HECW1: variants seen among roughly 807,000 people sequenced by gnomAD.
HECW1 encodes E3 ubiquitin-protein ligase HECW1.
A neutral mutation model predicts 182.3 loss-of-function variants in HECW1; 61 were observed. The ratio of observed to expected loss-of-function variants is 0.33; its 90% CI spans 0.27 to 0.41. The LOEUF (loss-of-function observed/expected upper bound fraction) is 0.41, where lower values mean the gene tolerates loss of function less well. HECW1 is among the 10% of genes least tolerant of loss of function. HECW1 has a pLI of 1.00. For synonymous variants in HECW1, 859 were observed against 832.6 expected (o/e 1.03, Z -0.55); for missense variants, 1,739 against 2,108.9 (o/e 0.82, Z 3.44).
intron 26 of HECW1, among the ~76,000 whole-genome samples, chr7:43,546,681 G>T (rs557297496): frequency 6.6e-6 from 1 of 151,776 alleles, no homozygotes; most frequent in African/African-American, 2.4e-5. Context: ...TCCTAACTTC[G>T]GGAACAAAGC....
At chr7:43,342,636 G>A (rs1813137679) in intron 5 of HECW1, among the ~76,000 whole-genome samples, 1 of 150,812 alleles carries the variant, frequency 6.6e-6, no homozygotes, top group African/African-American at 2.5e-5. Flanking sequence ...TAGCTTTTTT[G>A]GTTAAAATTG....
chr7:43,487,421 G>A (rs1178918770), intron 17 of HECW1, among the ~76,000 whole-genome samples: 1 of 152,220 alleles, frequency 6.6e-6, no homozygotes, highest in East Asian at 1.9e-4. Flanking sequence ...AATCCTAAAA[G>A]TAGTCCCTAC....
intron 29 of HECW1, among the ~76,000 whole-genome samples, chr7:43,561,472 T>A (rs2082206238): frequency 6.6e-6 from 1 of 152,240 alleles, no homozygotes; most frequent in African/African-American, 2.4e-5. Flanking sequence ...CCTTCAATAC[T>A]AATTATATTT....
At chr7:43,480,714 T>C (rs1248345889) in intron 17 of HECW1, among the ~76,000 whole-genome samples, 4 of 147,680 alleles carry the variant, frequency 2.7e-5, no homozygotes, top group African/African-American at 7.3e-5. Context: ...CACACACATA[T>C]ATACGCATAT....
chr7:43,202,612 T>A (rs1795109056), intron 2 of HECW1, among the ~76,000 whole-genome samples: 2 of 152,052 alleles, frequency 1.3e-5, no homozygotes, highest in Admixed American at 1.3e-4. Flanking sequence ...GAGCTGGGGT[T>A]ACAGGCACCT....
intron 5 of HECW1, among the ~76,000 whole-genome samples, chr7:43,330,705 G>A (rs1158434058): frequency 6.6e-6 from 1 of 152,222 alleles, no homozygotes; most frequent in East Asian, 1.9e-4. Context: ...CGAGGAGTTG[G>A]TGAGAAAGAC....
chr7:43,357,068 C>T (rs753115825), intron 5 of HECW1, among the ~76,000 whole-genome samples: 1 of 152,008 alleles, frequency 6.6e-6, no homozygotes, highest in Admixed American at 6.6e-5. Context: ...TAAAACAGGA[C>T]AGGGAGCAAC....
In HECW1 at chr7:43,463,507, A is replaced by G. The variant is rs139274734; in HGVS notation, c.2652-153A>G. On this transcript the variant is annotated intron_variant, in intron 13 of 29. Transcript: ENST00000395891. Reference sequence around the variant, plus strand: ...TCGTCTTAGAGATACTTGTCTTGCTAATTGTTCTGGCTATCTTGTGGGAAT... The same window carrying G: ...TCGTCTTAGAGATACTTGTCTTGCTGATTGTTCTGGCTATCTTGTGGGAAT... Among the ~76,000 whole-genome samples the G allele has an allele frequency of 3.0e-3, 453 of 152,298 alleles. 4 individuals carry two copies. In the Middle Eastern group the frequency reaches 0.054, roughly 18 times the overall value.
At chr7:43,139,358 A>G (rs1187611684) in intron 2 of HECW1, among the ~76,000 whole-genome samples, 1 of 152,208 alleles carries the variant, frequency 6.6e-6, no homozygotes, top group Non-Finnish European at 1.5e-5. Context: ...TCTGGCCACT[A>G]AAATGCTACT....
intron 2 of HECW1, among the ~76,000 whole-genome samples, chr7:43,153,099 T>C (rs1309546484): frequency 2.1e-4 from 32 of 152,174 alleles, no homozygotes; most frequent in Admixed American, 2.1e-3. Context: ...CTTTCTATGA[T>C]TCTGTGATGT....
At chr7:43,120,242 T>A (rs2152602201) in intron 2 of HECW1, among the ~76,000 whole-genome samples, 1 of 152,264 alleles carries the variant, frequency 6.6e-6, no homozygotes, top group East Asian at 1.9e-4. Flanking sequence ...CAAATACTGT[T>A]CCCTTGACCT....
At chr7:43,166,589 T>C (rs529717811) in intron 2 of HECW1, among the ~76,000 whole-genome samples, 1 of 152,352 alleles carries the variant, frequency 6.6e-6, no homozygotes, top group Admixed American at 6.5e-5. Context: ...AAAGCTTTTC[T>C]TTACTAAAAA....
At chr7:43,371,957 T>C (rs1420713049) in intron 6 of HECW1, among the ~76,000 whole-genome samples, 2 of 152,116 alleles carry the variant, frequency 1.3e-5, no homozygotes, top group Admixed American at 6.5e-5. Context: ...GTAGCTGAGA[T>C]TACAGGTGCC....
At chr7:43,545,294 G>A (rs951552804) in intron 26 of HECW1, among the ~76,000 whole-genome samples, 6 of 152,046 alleles carry the variant, frequency 3.9e-5, no homozygotes, top group African/African-American at 1.4e-4. Flanking sequence ...GTCTATTCAA[G>A]AAAACGAAGT....
intron 3 of HECW1, among the ~76,000 whole-genome samples, chr7:43,250,875 T>C (rs1234090421): frequency 6.6e-6 from 1 of 152,182 alleles, no homozygotes; most frequent in African/African-American, 2.4e-5. Flanking sequence ...ACCCTCTGCT[T>C]AGCCACAGAG....
chr7:43,306,274 A>G (rs974202277), intron 3 of HECW1, among the ~76,000 whole-genome samples: 6 of 152,016 alleles, frequency 3.9e-5, no homozygotes, highest in African/African-American at 1.5e-4. Flanking sequence ...CTTCCTTCAT[A>G]TTGCTACTTC....
Position 43,456,425 on chromosome 7 carries a change from C to T in HECW1, c.2629C>T (p.Gln877Ter), listed in dbSNP as rs554233591. 1 of 1,613,914 alleles carries T rather than the reference C, an allele frequency of 6.2e-7. No individual in the cohort carries two copies. Among genetic ancestry groups the T allele is most frequent in the Admixed American group, 1.7e-5 (1 of 59,984 alleles). ...DGMRRSGSIQ[Q>*]MEQLNRRYQN... is the part of the protein sequence containing the mutation. ...CATGCGGAGATCGGGGTCCATCCAG[C>T]AGATGGAGCAACTCAACAGGCGGTT... is the stretch of plus-strand genomic sequence containing the variant. The change falls in exon 13 of 30, where the codon CAG (glutamine) becomes TAG (stop). Residue 877 changes from glutamine (Q) to a stop codon, truncating the protein, a stop_gained. Transcript: ENST00000395891. LOFTEE classifies it high-confidence loss of function.
At chr7:43,348,169 T>TTACTTA (rs1562869260) in intron 5 of HECW1, among the ~76,000 whole-genome samples, 346 of 152,204 alleles carry the variant, frequency 2.3e-3, no homozygotes, top group African/African-American at 8.0e-3. Flanking sequence ...TGTAATTTTT[T>TTACTTA]AATTACCATT....
At chr7:43,423,250 G>T (rs76127927) in intron 8 of HECW1, among the ~76,000 whole-genome samples, 251 of 152,276 alleles carry the variant, frequency 1.6e-3, no homozygotes, top group African/African-American at 5.4e-3. Context: ...TTTCACAAAT[G>T]ATTTTTTAAG....
Sources: gnomAD v4.1 joint callset for allele counts (sites outside exome capture counted in the v4.1 genomes callset) on GRCh38, gnomAD v4.1.1 for gene constraint, MANE v1.5 for transcripts, NCBI Gene and HGNC (gene_info 2026-07-23, HGNC 2026-07-21) for gene names.